Variants in ARHGEF12 observed in about 807,000 individuals in gnomAD.
ARHGEF12 encodes Rho guanine nucleotide exchange factor 12.
Under a neutral mutation model 211.2 loss-of-function variants are expected in ARHGEF12, and 66 were observed. That is an observed-to-expected ratio of 0.31 (90% CI 0.26 to 0.38). ARHGEF12 has a LOEUF of 0.38. Among genes scored for constraint, ARHGEF12 ranks in the 10% least tolerant of loss-of-function variants. The probability of loss-of-function intolerance (pLI) is 1.00; values close to 1 mark genes in which losing one functional copy is unlikely to be tolerated. For synonymous variants in ARHGEF12, 592 were observed against 638.4 expected (o/e 0.93, Z 1.09); for missense variants, 1,429 against 1,869.5 (o/e 0.76, Z 4.34).
chr11:120,458,521 T>C, intron 25 of ARHGEF12: 1 of 308,432 alleles, frequency 3.2e-6, no homozygotes, highest in South Asian at 3.7e-5. Flanking sequence ...AAGTTATTTT[T>C]ATGCATAGAT....
rs115531914 is a variant in ARHGEF12 at position 120,380,039 on chromosome 11, T to C, written c.33-26079T>C. On this transcript the variant is annotated intron_variant, in intron 1 of 40. Transcript: ENST00000397843. The stretch of plus-strand genomic sequence containing the variant: ...GATGTAGAATTGTTATCTCTTCCTT[T>C]AAATGCTTGTGATAATTCACCAGTG... Among the ~76,000 whole-genome samples the C allele has an allele frequency of 6.6e-3, 1,000 of 152,346 alleles. 10 individuals carry two copies. The highest frequency in any genetic ancestry group is 0.023 in the African/African-American group (948 of 41,562).
chr11:120,437,205 T>C, intron 11 of ARHGEF12, 103 bp from the exon 12 acceptor site: 1 of 724,638 alleles, frequency 1.4e-6, no homozygotes, highest in East Asian at 2.8e-5. Flanking sequence ...TAGTTGTAAA[T>C]ACAAATATGA....
intron 22 of ARHGEF12, 57 bp downstream of exon 22, chr11:120,451,781 C>CT (rs1357005988): frequency 3.4e-6 from 5 of 1,487,692 alleles, no homozygotes; most frequent in Non-Finnish European, 4.6e-6. Context: ...AACAAACACA[C>CT]TAACTGAAAA....
At chr11:120,465,570 G>A (rs986137046) in intron 28 of ARHGEF12, among the ~76,000 whole-genome samples, 4 of 152,026 alleles carry the variant, frequency 2.6e-5, no homozygotes, top group Admixed American at 6.6e-5. Context: ...GGGTTCAAGC[G>A]ATTCTCCTGC....
At chr11:120,476,883 A>G (rs865862711) in intron 34 of ARHGEF12, 135 bp downstream of exon 34, 1 of 661,022 alleles carries the variant, frequency 1.5e-6, no homozygotes, top group Middle Eastern at 2.7e-4. Context: ...GAGACGTTCT[A>G]CTATGAACTT....
rs200930070 is a variant in ARHGEF12, at chr11:120,458,177, C to A, written c.2323C>A (p.Arg775=). The A allele has an allele frequency of 1.4e-4, 230 of 1,613,050 alleles. 1 individual carries two copies. The highest frequency in any genetic ancestry group is 1.1e-3 in the South Asian group (102 of 90,760). ...DPPNWQQLVS[R]EVLLGLKPCE... ...ACCCAACTGGCAGCAGCTTGTTAGTCGAGAAGTGTTACTGGGACTAAAACC... is the reference window on the plus strand; with the variant it reads ...ACCCAACTGGCAGCAGCTTGTTAGTAGAGAAGTGTTACTGGGACTAAAACC... Residue 775 remains arginine (R), a synonymous_variant, in exon 25 of 41, where the codon CGA becomes AGA. Coordinates refer to ENST00000397843, the MANE Select transcript of ARHGEF12 (RefSeq NM_015313.3).
chr11:120,457,600 C>T lies in ARHGEF12; in HGVS notation c.2190-121C>T, dbSNP rs1946401283. 4 of 643,018 alleles carry T rather than the reference C, an allele frequency of 6.2e-6. No homozygotes were observed. In the East Asian group the frequency reaches 9.0e-5, roughly 14 times the overall value. 39.8% of individuals were successfully genotyped at this position (643,018 alleles called of 1,614,324 possible). A position where few individuals can be genotyped will look rare whatever the true frequency, so the allele number is the denominator to read the frequency against. Reference sequence around the variant, plus strand: ...CAATTTATTTTATATTAAATTATTACAATATCCCAAAGAATTATTTATCAA... The same window carrying T: ...CAATTTATTTTATATTAAATTATTATAATATCCCAAAGAATTATTTATCAA... On this transcript the variant is annotated intron_variant, in intron 23 of 40. Coordinates refer to ENST00000397843, the MANE Select transcript of ARHGEF12 (RefSeq NM_015313.3).
intron 21 of ARHGEF12, chr11:120,449,768 A>G (rs964936226): frequency 3.9e-5 from 6 of 151,954 alleles, no homozygotes; most frequent in African/African-American, 1.5e-4. Flanking sequence ...TATTCTGTCA[A>G]ATGTCCGTAA....
intron 4 of ARHGEF12, among the ~76,000 whole-genome samples, chr11:120,412,905 A>G (rs1279551871): frequency 6.6e-6 from 1 of 152,082 alleles, no homozygotes; most frequent in Admixed American, 6.6e-5. Flanking sequence ...TACCATCACA[A>G]TATTTTTCAT....
intron 1 of ARHGEF12, among the ~76,000 whole-genome samples, chr11:120,393,589 C>T (rs1944286630): frequency 6.6e-6 from 1 of 152,118 alleles, no homozygotes; most frequent in African/African-American, 2.4e-5. Context: ...AAAGTAATTT[C>T]GTACTGATAA....
chr11:120,396,683 AC>A (rs1223930961), intron 1 of ARHGEF12, among the ~76,000 whole-genome samples: 1 of 152,232 alleles, frequency 6.6e-6, no homozygotes, highest in Non-Finnish European at 1.5e-5. Flanking sequence ...TATATTGTAG[AC>A]CTAAAAGTAA....
intron 1 of ARHGEF12, among the ~76,000 whole-genome samples, chr11:120,354,950 G>A (rs998807133): frequency 9.2e-5 from 14 of 152,128 alleles, no homozygotes; most frequent in African/African-American, 3.1e-4. Context: ...CAGCCTCCCC[G>A]TGGGGTAAAG....
chr11:120,455,301 T>C (rs1472409968), intron 22 of ARHGEF12, among the ~76,000 whole-genome samples: 3 of 152,048 alleles, frequency 2.0e-5, no homozygotes, highest in African/African-American at 7.2e-5. Context: ...TTTTAAAAAA[T>C]CCATTCCTAA....
At chr11:120,457,663 A>G in intron 23 of ARHGEF12, 58 bp from the exon 24 acceptor site, 2 of 1,364,704 alleles carry the variant, frequency 1.5e-6, no homozygotes, top group South Asian at 2.9e-5. Context: ...TATCTTTGGT[A>G]TAAATGTATT....
chr11:120,339,008 T>C (rs1942446694), intron 1 of ARHGEF12, among the ~76,000 whole-genome samples: 1 of 148,020 alleles, frequency 6.8e-6, no homozygotes, highest in South Asian at 2.1e-4. Flanking sequence ...TCTTTTTCTT[T>C]TTTTTTTTTT....
At chr11:120,462,850 T>G (rs1296405879) in intron 27 of ARHGEF12, 1 of 152,258 alleles carries the variant, frequency 6.6e-6, no homozygotes, top group African/African-American at 2.4e-5. Flanking sequence ...TTTTTTACTT[T>G]ACAGTGGTGG....
At position 120,367,353 on chromosome 11, in the gene ARHGEF12, C is replaced by CTTTTTTTTTTTTT. The variant is rs1025919456; in HGVS notation, c.32+30096_32+30108dup. Reference sequence around the variant, plus strand: ...AAAAAATCTGTTAGGATACTTTTTCCTTTTTTTTTTTTTTTTTTTTTTTTT... The same window carrying CTTTTTTTTTTTTT: ...AAAAAATCTGTTAGGATACTTTTTCCTTTTTTTTTTTTTTTTTTTTTTTTTTTTTTTTTTTTTT... On this transcript the variant is annotated intron_variant, in intron 1 of 40. Coordinates refer to ENST00000397843, the MANE Select transcript of ARHGEF12 (RefSeq NM_015313.3). 9.3e-3 allele frequency among the ~76,000 whole-genome samples: 554 copies of CTTTTTTTTTTTTT among 59,350 alleles called. 115 individuals are homozygous for CTTTTTTTTTTTTT. Among genetic ancestry groups the CTTTTTTTTTTTTT allele is most frequent in the African/African-American group, 0.021 (275 of 12,948 alleles). The allele number at this position is 59,350 out of a possible 152,430, so 38.9% of individuals were successfully genotyped here. A position where few individuals can be genotyped will look rare whatever the true frequency, so the allele number is the denominator to read the frequency against.
At chr11:120,369,066 A>G (rs1260993540) in intron 1 of ARHGEF12, among the ~76,000 whole-genome samples, 1 of 151,654 alleles carries the variant, frequency 6.6e-6, no homozygotes, top group African/African-American at 2.4e-5. Flanking sequence ...AATGATAACA[A>G]CATCGTCTTT....
chr11:120,358,979 G>C (rs2135350403), intron 1 of ARHGEF12, among the ~76,000 whole-genome samples: 1 of 152,234 alleles, frequency 6.6e-6, no homozygotes, highest in African/African-American at 2.4e-5. Context: ...AGTGAGTGCT[G>C]ATTGTTGGTA....
Sources: allele counts gnomAD v4.1 joint callset (sites outside exome capture counted in the v4.1 genomes callset), GRCh38; gene constraint gnomAD v4.1.1; transcripts MANE v1.5; gene names NCBI Gene and HGNC (gene_info 2026-07-23, HGNC 2026-07-21).